AHI1: variants seen among roughly 807,000 people sequenced by gnomAD.
The protein encoded by AHI1 is Abelson helper integration site 1, also known as jouberin.
AHI1 carries 123 observed loss-of-function variants against 149.3 expected under a neutral mutation model. That is an observed-to-expected ratio of 0.82 (90% CI 0.71 to 0.96). The LOEUF is 0.96. AHI1 is among the 40% of genes least tolerant of loss of function. The probability of loss-of-function intolerance (pLI) is 0.00; values close to 1 mark genes in which losing one functional copy is unlikely to be tolerated. For synonymous variants in AHI1, 475 were observed against 459.8 expected (o/e 1.03, Z -0.42); for missense variants, 1,439 against 1,422.7 (o/e 1.01, Z -0.18).
intron 24 of AHI1, among the ~76,000 whole-genome samples, chr6:135,355,544 G>C (rs1045331241): frequency 6.6e-6 from 1 of 152,130 alleles, no homozygotes. Context: ...TCAAACTCAA[G>C]TTTGATTGAC....
At chr6:135,344,413 C>T (rs1388283507) in intron 24 of AHI1, among the ~76,000 whole-genome samples, 1 of 150,430 alleles carries the variant, frequency 6.6e-6, no homozygotes, top group East Asian at 1.9e-4. Flanking sequence ...CAAAATTTTA[C>T]AATTTATTTT....
At chr6:135,405,691 C>G (rs1780666534) in intron 21 of AHI1, among the ~76,000 whole-genome samples, 1 of 151,728 alleles carries the variant, frequency 6.6e-6, no homozygotes, top group Non-Finnish European at 1.5e-5. Flanking sequence ...GAAACCCCAT[C>G]TCTACTAAAA....
chr6:135,297,350 G>C (rs1783234819), intron 27 of AHI1: 2 of 447,418 alleles, frequency 4.5e-6, no homozygotes, highest in Admixed American at 4.8e-5. Context: ...TCTCTTCATA[G>C]CCGTATGCTC....
intron 5 of AHI1, among the ~76,000 whole-genome samples, chr6:135,485,343 A>T (rs899422124): frequency 6.6e-6 from 1 of 152,152 alleles, no homozygotes; most frequent in African/African-American, 2.4e-5. Context: ...CCAAAATGCT[A>T]GGACTACAAG....
intron 14 of AHI1, among the ~76,000 whole-genome samples, chr6:135,440,979 A>G (rs541500971): frequency 3.8e-4 from 58 of 152,194 alleles, no homozygotes; most frequent in Non-Finnish European, 6.8e-4. Context: ...AGTCATCCAC[A>G]TAGAAACTGA....
chr6:135,325,628 G>GT (rs1429030243), intron 24 of AHI1, among the ~76,000 whole-genome samples: 13 of 152,312 alleles, frequency 8.5e-5, no homozygotes, highest in African/African-American at 3.1e-4. Flanking sequence ...AAGTAAACTA[G>GT]TAAGTGATAG....
intron 20 of AHI1, among the ~76,000 whole-genome samples, chr6:135,425,772 T>C (rs1029328661): frequency 2.0e-5 from 3 of 151,826 alleles, no homozygotes; most frequent in Non-Finnish European, 4.4e-5. Context: ...AATGGACTTC[T>C]TTGCTTACTG....
At chr6:135,401,089 G>A (rs1779965705) in intron 22 of AHI1, among the ~76,000 whole-genome samples, 1 of 152,110 alleles carries the variant, frequency 6.6e-6, no homozygotes, top group African/African-American at 2.4e-5. Context: ...AAGCAAAGTG[G>A]TCTTCTTTCT....
chr6:135,438,379 C>T lies in AHI1; in HGVS notation c.2032G>A (p.Ala678Thr). ...YILTSSSDGT[A>T]RIWKNEINNT... ...GTACTTCTCAAGGATACTAACCTGG[C>T]AGTGCCATCAGATGATGAAGTAAGG... Residue 678 changes from alanine to threonine, a missense_variant, in exon 15 of 29, where the codon GCC becomes ACC. By Grantham distance (58) the Ala-to-Thr change is moderately conservative. Transcript: ENST00000265602. 1 of 1,579,354 alleles carries T rather than the reference C, an allele frequency of 6.3e-7. No homozygotes were observed. Among genetic ancestry groups the T allele is most frequent in the South Asian group, 1.2e-5 (1 of 84,334 alleles).
chr6:135,293,406 GAAAAAAAAAA>G (rs71547029), intron 27 of AHI1, among the ~76,000 whole-genome samples: 2 of 65,596 alleles, frequency 3.0e-5, no homozygotes, highest in Non-Finnish European at 5.4e-5. Context: ...AAAAAAAAAA[GAAAAAAAAAA>G]AAAAAAAAGA....
intron 13 of AHI1, among the ~76,000 whole-genome samples, chr6:135,443,223 C>T (rs1042911612): frequency 1.3e-5 from 2 of 152,152 alleles, no homozygotes; most frequent in Admixed American, 6.5e-5. Context: ...AGTAATCAAT[C>T]GGCCCTTATT....
intron 5 of AHI1, among the ~76,000 whole-genome samples, chr6:135,482,648 T>C (rs1793850463): frequency 6.6e-6 from 1 of 152,078 alleles, no homozygotes; most frequent in Admixed American, 6.5e-5. Flanking sequence ...TTCTATTTCT[T>C]TCTTTTACAT....
At chr6:135,494,369 T>C (rs1410807558) in intron 3 of AHI1, among the ~76,000 whole-genome samples, 1 of 152,190 alleles carries the variant, frequency 6.6e-6, no homozygotes. Context: ...GAGCTTAGTA[T>C]GGGTCATGTT....
intron 24 of AHI1, among the ~76,000 whole-genome samples, chr6:135,340,918 T>C (rs1790273372): frequency 6.6e-6 from 1 of 151,196 alleles, no homozygotes; most frequent in Non-Finnish European, 1.5e-5. Context: ...GAGATGTTAA[T>C]TGTAATTCTA....
chr6:135,468,014 T>C (rs936615722), intron 5 of AHI1, among the ~76,000 whole-genome samples: 5 of 152,300 alleles, frequency 3.3e-5, no homozygotes, highest in African/African-American at 1.2e-4. Context: ...GGTTTGATCT[T>C]TGAAACTCCC....
At position 135,283,549 on chromosome 6, in the gene AHI1, T is replaced by C. The variant is rs1781450183; in HGVS notation, c.*2096A>G. On this transcript the variant is annotated 3_prime_UTR_variant, in exon 29 of 29. Transcript: ENST00000265602. ...AAACCCAATTTGTTATAAGGAAATG[T>C]TTAATGCCGTACATCATCAAATGGA... The C allele has an allele frequency of 6.6e-6, 1 of 152,208 alleles. No homozygotes were observed. Among genetic ancestry groups the C allele is most frequent in the African/African-American group, 2.4e-5 (1 of 41,448 alleles). 9.4% of individuals were successfully genotyped at this position (152,208 alleles called of 1,614,324 possible). A position where few individuals can be genotyped will look rare whatever the true frequency, so the allele number is the denominator to read the frequency against.
At chr6:135,293,393 AAAAAAAAAAAAAG>A (rs1175173573) in intron 27 of AHI1, among the ~76,000 whole-genome samples, 1 of 115,448 alleles carries the variant, frequency 8.7e-6, no homozygotes, top group Non-Finnish European at 1.6e-5. Flanking sequence ...TTAACAGGGC[AAAAAAAAAAAAAG>A]AAAAAAAAAA....
At chr6:135,340,667 A>ATATATATGTATG (rs1554283224) in intron 24 of AHI1, among the ~76,000 whole-genome samples, 1 of 115,770 alleles carries the variant, frequency 8.6e-6, no homozygotes, top group Admixed American at 8.0e-5. Flanking sequence ...ACATATATAT[A>ATATATATGTATG]TATATATATA....
intron 24 of AHI1, among the ~76,000 whole-genome samples, chr6:135,355,701 C>T (rs1246452224): frequency 1.3e-5 from 2 of 152,058 alleles, no homozygotes; most frequent in African/African-American, 2.4e-5. Context: ...GAGTTTGAGG[C>T]CAGCCTGACC....
Sources: allele counts gnomAD v4.1 joint callset (sites outside exome capture counted in the v4.1 genomes callset), GRCh38; gene constraint gnomAD v4.1.1; transcripts MANE v1.5; gene names NCBI Gene and HGNC (gene_info 2026-07-23, HGNC 2026-07-21).